NLK: variants seen among roughly 807,000 people sequenced by gnomAD.
NLK encodes nemo like kinase, also known as serine/threonine-protein kinase NLK.
NLK carries 11 observed loss-of-function variants against 59.0 expected under a neutral mutation model. That is an observed-to-expected ratio of 0.19 (90% CI 0.12 to 0.31). The LOEUF is 0.31. NLK is among the 10% of genes least tolerant of loss of function. The pLI is 1.00. For synonymous variants in NLK, 235 were observed against 235.9 expected (o/e 1.00, Z 0.03); for missense variants, 410 against 661.1 (o/e 0.62, Z 4.16).
At chr17:28,126,502 T>C (rs1268271373) in intron 2 of NLK, among the ~76,000 whole-genome samples, 1 of 152,218 alleles carries the variant, frequency 6.6e-6, no homozygotes, top group Non-Finnish European at 1.5e-5. Flanking sequence ...GAAAGGAATG[T>C]CATGATAAAA....
intron 1 of NLK, among the ~76,000 whole-genome samples, chr17:28,063,593 A>T (rs1175805458): frequency 1.3e-5 from 2 of 152,218 alleles, no homozygotes; most frequent in Non-Finnish European, 2.9e-5. Flanking sequence ...GTCTCTGTTT[A>T]CATAAAGTTC....
chr17:28,068,590 C>T (rs1293688673), intron 1 of NLK, among the ~76,000 whole-genome samples: 1 of 151,974 alleles, frequency 6.6e-6, no homozygotes, highest in Non-Finnish European at 1.5e-5. Flanking sequence ...TATAAATATC[C>T]TTTTGTTTTT....
chr17:28,166,443 A>C (rs928271287), intron 5 of NLK, among the ~76,000 whole-genome samples: 6 of 152,124 alleles, frequency 3.9e-5, no homozygotes, highest in African/African-American at 9.7e-5. Context: ...TTGGGGGATA[A>C]ATTTTGTTTT....
chr17:28,042,965 A>G lies in NLK; in HGVS notation c.92A>G (p.His31Arg). 6.4e-7 allele frequency: 1 copy of G among 1,552,466 alleles called. No individual in the cohort carries two copies. Among genetic ancestry groups the G allele is most frequent in the Non-Finnish European group, 8.7e-7 (1 of 1,147,988 alleles). Residue 31 changes from histidine (H) to arginine (R), a missense_variant, in exon 1 of 11, where the codon CAT becomes CGT. This residue lies in a region of NLK where 160 missense variants were observed against 171.0 expected (regional missense o/e 0.94). Transcript: ENST00000407008. ...SAAAAGHHHHHHHHLPHLPPP... is the reference protein window; with the variant it reads ...SAAAAGHHHHRHHHLPHLPPP... ...GCAGCAGCAGGTCACCACCACCACC[A>G]TCACCACCACCTTCCACACCTCCCT...
intron 8 of NLK, 24 bp downstream of exon 8, chr17:28,185,289 A>G: frequency 7.3e-7 from 1 of 1,372,014 alleles, no homozygotes; most frequent in South Asian, 1.3e-5. Flanking sequence ...TTTTTTATAT[A>G]TTTTTAATGA....
At chr17:28,104,438 T>G (rs1054095750) in intron 1 of NLK, among the ~76,000 whole-genome samples, 6 of 152,090 alleles carry the variant, frequency 3.9e-5, no homozygotes, top group African/African-American at 7.2e-5. Context: ...GTTTTTTTAG[T>G]AGAGACGAGG....
chr17:28,168,050 C>T (rs556351732), intron 5 of NLK, among the ~76,000 whole-genome samples: 7 of 150,560 alleles, frequency 4.6e-5, no homozygotes, highest in South Asian at 2.1e-4. Flanking sequence ...AGTGGCCGGG[C>T]GCAGTGGCTC....
chr17:28,058,065 G>C (rs1032731240), intron 1 of NLK, among the ~76,000 whole-genome samples: 4 of 152,146 alleles, frequency 2.6e-5, no homozygotes, highest in East Asian at 1.9e-4. Context: ...ATGCAAAAAG[G>C]GTGGTTCTGT....
At chr17:28,167,524 T>A (rs1168961558) in intron 5 of NLK, among the ~76,000 whole-genome samples, 19 of 152,034 alleles carry the variant, frequency 1.2e-4, no homozygotes, top group Admixed American at 1.2e-3. Context: ...CCACTGTGCC[T>A]GGCCAACAGT....
chr17:28,135,992 A>G (rs1166692685), intron 3 of NLK, among the ~76,000 whole-genome samples: 1 of 152,214 alleles, frequency 6.6e-6, no homozygotes, highest in Non-Finnish European at 1.5e-5. Flanking sequence ...GTTTAAAACC[A>G]TGAGTGATAT....
chr17:28,046,298 C>T (rs777246218), intron 1 of NLK, among the ~76,000 whole-genome samples: 1 of 152,168 alleles, frequency 6.6e-6, no homozygotes, highest in Non-Finnish European at 1.5e-5. Context: ...TAGTGAATTA[C>T]TCATTAGCTT....
intron 7 of NLK, among the ~76,000 whole-genome samples, chr17:28,181,505 G>C (rs1014219369): frequency 4.0e-5 from 6 of 151,632 alleles, no homozygotes; most frequent in African/African-American, 1.5e-4. Flanking sequence ...GGAGTTCAAG[G>C]CTGCAGTGAG....
chr17:28,182,275 GTTGT>G (rs1185560282), intron 7 of NLK, among the ~76,000 whole-genome samples: 2 of 152,002 alleles, frequency 1.3e-5, no homozygotes, highest in African/African-American at 2.4e-5. Context: ...TTGTTTGTTT[GTTGT>G]TTGTTTGGTT....
intron 1 of NLK, among the ~76,000 whole-genome samples, chr17:28,053,638 C>T (rs1367002053): frequency 6.6e-6 from 1 of 152,090 alleles, no homozygotes; most frequent in Non-Finnish European, 1.5e-5. Context: ...TTTATCCATT[C>T]TTTGACCTAA....
chr17:28,113,590 A>G (rs1905620982), intron 1 of NLK, among the ~76,000 whole-genome samples: 1 of 152,188 alleles, frequency 6.6e-6, no homozygotes, highest in South Asian at 2.1e-4. Context: ...CTAATGCATT[A>G]TAATTCCAGA....
intron 1 of NLK, among the ~76,000 whole-genome samples, chr17:28,064,207 C>G: frequency 9.1e-6 from 1 of 110,336 alleles, no homozygotes; most frequent in Non-Finnish European, 1.8e-5. Context: ...TTTAAAGAGA[C>G]AAGGTCTCAC....
Position 28,161,238 on chromosome 17 carries a change from C to T in NLK, c.723C>T (p.Val241=), listed in dbSNP as rs1174201601. The T allele has an allele frequency of 1.2e-6, 2 of 1,609,358 alleles. No homozygotes were observed. The highest frequency in any genetic ancestry group is 1.7e-5 in the Admixed American group (1 of 59,990). Reference sequence around the variant, plus strand: ...CTCAACCACTCAGCTCAGATCATGTCAAAGTTTTTCTTTATCAGATTTTGC... The same window carrying T: ...CTCAACCACTCAGCTCAGATCATGTTAAAGTTTTTCTTTATCAGATTTTGC... The part of the protein sequence containing the change: ...VSPQPLSSDH[V]KVFLYQILRG... Residue 241 remains valine (V), a synonymous_variant, in exon 4 of 11, where the codon GTC becomes GTT. Coordinates refer to ENST00000407008, the MANE Select transcript of NLK (RefSeq NM_016231.5).
At chr17:28,055,853 T>A (rs1909423312) in intron 1 of NLK, among the ~76,000 whole-genome samples, 1 of 152,238 alleles carries the variant, frequency 6.6e-6, no homozygotes, top group Non-Finnish European at 1.5e-5. Flanking sequence ...TAGAGATTTT[T>A]TTCTGATTAA....
intron 1 of NLK, among the ~76,000 whole-genome samples, chr17:28,068,832 C>T (rs1187976760): frequency 6.6e-6 from 1 of 152,160 alleles, no homozygotes; most frequent in Non-Finnish European, 1.5e-5. Flanking sequence ...GCATGTGCCA[C>T]CACACCAGGC....
Sources: gnomAD v4.1 joint callset for allele counts (sites outside exome capture counted in the v4.1 genomes callset) on GRCh38, gnomAD v4.1.1 for gene constraint, gnomAD v4.1.1 regional missense constraint, MANE v1.5 for transcripts, NCBI Gene and HGNC (gene_info 2026-07-23, HGNC 2026-07-21) for gene names.